PEX1: variants seen among roughly 807,000 people sequenced by gnomAD.
PEX1 encodes peroxisomal ATPase PEX1.
In PEX1, 97 loss-of-function variants were observed where a neutral mutation model predicts 152.5. The ratio of observed to expected loss-of-function variants is 0.64; its 90% CI spans 0.54 to 0.75. The LOEUF (loss-of-function observed/expected upper bound fraction) is 0.75, where lower values mean the gene tolerates loss of function less well. PEX1 is among the 30% of genes least tolerant of loss of function. PEX1 has a pLI of 0.00. For synonymous variants in PEX1, 485 were observed against 531.6 expected (o/e 0.91, Z 1.21); for missense variants, 1,357 against 1,516.3 (o/e 0.89, Z 1.74).
chr7:92,507,107 C>A lies in PEX1; in HGVS notation c.1690G>T (p.Val564Leu). The change falls in exon 10 of 24, where the codon GTA becomes TTA. Residue 564 changes from valine to leucine, a missense_variant. Val to Leu is a conservative substitution (Grantham distance 32). Coordinates refer to ENST00000248633, the MANE Select transcript of PEX1 (RefSeq NM_000466.3). Reference sequence around the variant, plus strand: ...TGAGTGATGTGCTCCAAGGAGGATACGCCTAAGGAATTCACTCCTCTGTAA... The same window carrying A: ...TGAGTGATGTGCTCCAAGGAGGATAAGCCTAAGGAATTCACTCCTCTGTAA... Reference protein sequence around the residue: ...SSLGGVNSLGVSSLEHITHSL... With the variant: ...SSLGGVNSLGLSSLEHITHSL... 1 of 1,613,522 alleles carries A rather than the reference C, an allele frequency of 6.2e-7. No individual in the cohort carries two copies. Among genetic ancestry groups the A allele is most frequent in the Non-Finnish European group, 8.5e-7 (1 of 1,179,570 alleles).
At chr7:92,522,011 T>C in intron 2 of PEX1, 91 bp downstream of exon 2, 1 of 1,325,954 alleles carries the variant, frequency 7.5e-7, no homozygotes, top group Non-Finnish European at 1.1e-6. Flanking sequence ...ACATCTCACC[T>C]CCTTTAACAA....
chr7:92,494,285 A>G lies in PEX1; in HGVS notation c.3030+8T>C. ...TTGGGTTTTGGACTCTAAATATGAA[A>G]TTGTCACCTGATCAGGAGGAGGACA... On this transcript the variant is annotated splice_region_variant and intron_variant, in intron 19 of 23. Coordinates refer to ENST00000248633, the MANE Select transcript of PEX1 (RefSeq NM_000466.3). 6.2e-7 allele frequency: 1 copy of G among 1,601,180 alleles called. No homozygotes were observed. Among genetic ancestry groups the G allele is most frequent in the Non-Finnish European group, 8.6e-7 (1 of 1,168,888 alleles).
intron 23 of PEX1, among the ~76,000 whole-genome samples, chr7:92,488,110 G>C (rs1791035558): frequency 6.6e-6 from 1 of 152,082 alleles, no homozygotes; most frequent in African/African-American, 2.4e-5. Flanking sequence ...ACTATAAAAT[G>C]ACATTTAAAA....
At chr7:92,516,141 G>A (rs1211035989) in intron 5 of PEX1, among the ~76,000 whole-genome samples, 4 of 149,928 alleles carry the variant, frequency 2.7e-5, no homozygotes, top group African/African-American at 7.4e-5. Context: ...AATGATGTAG[G>A]CCGGCCAGGA....
chr7:92,491,592 C>A, intron 20 of PEX1, 90 bp from the exon 21 acceptor site: 1 of 787,442 alleles, frequency 1.3e-6, no homozygotes, highest in Non-Finnish European at 2.2e-6. Context: ...TCTATTAGAG[C>A]AATACAAGAA....
intron 21 of PEX1, 40 bp from the exon 22 acceptor site, chr7:92,489,951 G>A (rs1359837003): frequency 6.7e-7 from 1 of 1,498,568 alleles, no homozygotes; most frequent in South Asian, 1.1e-5. Flanking sequence ...GGAAGGAAGA[G>A]GGGGAGAGAA....
intron 5 of PEX1, among the ~76,000 whole-genome samples, chr7:92,516,783 T>C (rs1220542298): frequency 6.6e-6 from 1 of 152,194 alleles, no homozygotes; most frequent in Non-Finnish European, 1.5e-5. Context: ...GGTAAGCAGC[T>C]CCTGGATGCA....
intron 10 of PEX1, chr7:92,506,711 A>G: frequency 2.0e-6 from 1 of 511,190 alleles, no homozygotes; most frequent in Non-Finnish European, 3.5e-6. Flanking sequence ...ACTCAACCCT[A>G]TCAACACCTA....
chr7:92,498,667 G>A (rs1434166376), intron 16 of PEX1, among the ~76,000 whole-genome samples: 1 of 152,064 alleles, frequency 6.6e-6, no homozygotes, highest in Non-Finnish European at 1.5e-5. Context: ...CGACCACAAT[G>A]ACACACCAGT....
rs534114030 is a variant in PEX1, at chr7:92,494,991, T to A, written c.2784-362A>T. On this transcript the variant is annotated intron_variant, in intron 17 of 23. Coordinates refer to ENST00000248633, the MANE Select transcript of PEX1 (RefSeq NM_000466.3). The stretch of plus-strand genomic sequence containing the variant: ...CAAAAACTGACTCTTAGTCAATAAG[T>A]CAAACACTTTTGATTCCTATTACAA... Among the ~76,000 whole-genome samples, 33 of 151,996 alleles carry A rather than the reference T, an allele frequency of 2.2e-4. 1 individual carries two copies. The South Asian group carries it at 6.8e-3, about 31-fold the overall frequency.
chr7:92,502,458 AT>A (rs963129655), intron 13 of PEX1, among the ~76,000 whole-genome samples: 3 of 151,526 alleles, frequency 2.0e-5, no homozygotes, highest in African/African-American at 7.3e-5. Context: ...TCCTTTAAGA[AT>A]TTTTTTTTGG....
intron 19 of PEX1, chr7:92,493,900 G>C (rs1420922840): frequency 7.9e-6 from 2 of 252,102 alleles, no homozygotes; most frequent in African/African-American, 4.5e-5. Context: ...GGACAAGGAA[G>C]AGTTGAAAAA....
chr7:92,528,266 C>T (rs1226527422), intron 1 of PEX1, 41 bp downstream of exon 1: 21 of 1,546,764 alleles, frequency 1.4e-5, no homozygotes, highest in Non-Finnish European at 1.7e-5. Flanking sequence ...CCTCGTCCGA[C>T]CCCAGGCTGA....
At position 92,509,440 on chromosome 7, in the gene PEX1, C is replaced by T. The variant is rs747096710; in HGVS notation, c.1588-29G>A. On this transcript the variant is annotated intron_variant, in intron 8 of 23. Coordinates refer to ENST00000248633, the MANE Select transcript of PEX1 (RefSeq NM_000466.3). The stretch of plus-strand genomic sequence containing the variant: ...CAGTTGCAAGGAAAAATCAGTTTTA[C>T]ATTTCAAAGTATGTCTTTTGCATGT... 5.3e-6 allele frequency: 8 copies of T among 1,496,900 alleles called. No individual in the cohort carries two copies. In the Admixed American group the frequency reaches 1.3e-4, roughly 25 times the overall value. 92.7% of individuals were successfully genotyped at this position (1,496,900 alleles called of 1,614,324 possible). A position where few individuals can be genotyped will look rare whatever the true frequency, so the allele number is the denominator to read the frequency against.
intron 1 of PEX1, among the ~76,000 whole-genome samples, chr7:92,526,704 T>A (rs970033227): frequency 8.5e-5 from 13 of 152,166 alleles, no homozygotes; most frequent in Non-Finnish European, 1.9e-4. Context: ...CTTAAAATGA[T>A]GACCTTTTAA....
At chr7:92,508,355 G>A (rs1792297811) in intron 9 of PEX1, among the ~76,000 whole-genome samples, 1 of 152,076 alleles carries the variant, frequency 6.6e-6, no homozygotes, top group South Asian at 2.1e-4. Context: ...TGGCCAACAT[G>A]GTGAAACCCC....
chr7:92,506,840 T>C (rs900972508), intron 10 of PEX1, 154 bp downstream of exon 10: 1 of 728,100 alleles, frequency 1.4e-6, no homozygotes, highest in South Asian at 1.7e-5. Flanking sequence ...CACAGAAATA[T>C]TAGTGAATAA....
Position 92,511,646 on chromosome 7 carries a change from A to G in PEX1, c.1417T>C (p.Ser473Pro), listed in dbSNP as rs1474508557. 9 of 1,611,418 alleles carry G rather than the reference A, an allele frequency of 5.6e-6. No individual in the cohort carries two copies. The highest frequency in any genetic ancestry group is 1.6e-4 in the Middle Eastern group (1 of 6,068). The change falls in exon 7 of 24, where the codon TCT (serine) becomes CCT (proline). Residue 473 changes from serine (S) to proline (P), a missense_variant. Ser to Pro is a moderately conservative substitution (Grantham distance 74, BLOSUM62 -1). Coordinates refer to ENST00000248633, the MANE Select transcript of PEX1 (RefSeq NM_000466.3). ...ACCAAAGGAAGCATGGTGGTAGTAG[A>G]CTGCTGTAGCCATGAATAAAATACA... ...KTVFYSWLQQ[S>P]TTTMLPLVIS...
intron 5 of PEX1, among the ~76,000 whole-genome samples, chr7:92,514,498 C>G (rs1585249001): frequency 6.6e-6 from 1 of 152,116 alleles, no homozygotes; most frequent in East Asian, 1.9e-4. Flanking sequence ...CATTTACATT[C>G]AAATTAAATG....
Sources: allele counts gnomAD v4.1 joint callset (sites outside exome capture counted in the v4.1 genomes callset), GRCh38; gene constraint gnomAD v4.1.1; transcripts MANE v1.5; gene names NCBI Gene and HGNC (gene_info 2026-07-23, HGNC 2026-07-21).